CELSR3: variants seen among roughly 807,000 people sequenced by gnomAD.
CELSR3 encodes the protein cadherin EGF LAG seven-pass G-type receptor 3.
Under a neutral mutation model 270.0 loss-of-function variants are expected in CELSR3, and 73 were observed. The ratio of observed to expected loss-of-function variants is 0.27; its 90% CI spans 0.22 to 0.33. The LOEUF (loss-of-function observed/expected upper bound fraction) is 0.33. Ranked by LOEUF, CELSR3 falls within the 10% of genes least tolerant of loss-of-function variation. The pLI, the probability that CELSR3 is intolerant of heterozygous loss-of-function variation, is 1.00. For missense variants in CELSR3, 3,614 were observed against 4,533.8 expected, an observed-to-expected ratio of 0.80 and a Z score of 5.83; for synonymous variants, 1,780 against 1,905.4, an observed-to-expected ratio of 0.93 and a Z score of 1.71.
Position 48,662,411 on chromosome 3 carries a change from C to A in CELSR3, c.224G>T (p.Gly75Val), listed in dbSNP as rs754335909. ...AGGCTCCCTGACCCCCAGGCCAGGC[C>A]CCCCATCCTCCCGGACCCCGGAAGA... is the stretch of plus-strand genomic sequence containing the variant. ...PESSGVREDG[G>V]PGLGVREPIF... The change falls in exon 1 of 35, where the codon GGG becomes GTG. Residue 75 changes from glycine (G) to valine (V), a missense_variant. Transcript: ENST00000164024. The surrounding 1 kb of genome is among the most constrained non-coding windows in gnomAD (Gnocchi z 7.1). 2 of 1,612,812 alleles carry A rather than the reference C, an allele frequency of 1.2e-6. No homozygotes were observed. The highest frequency in any genetic ancestry group is 1.7e-6 in the Non-Finnish European group (2 of 1,179,912).
chr3:48,654,931 G>T lies in CELSR3; in HGVS notation c.4988+113C>A. 8.9e-7 allele frequency: 1 copy of T among 1,128,284 alleles called. No individual in the cohort carries two copies. The allele number at this position is 1,128,284 out of a possible 1,614,324, so 69.9% of individuals were successfully genotyped here. ...TTGAGAGGAGAGGGGAATCTTGGTG[G>T]TTTGGGGGAAAGATGGGAGAGTTTG... On this transcript the variant is annotated intron_variant, in intron 6 of 34. Transcript: ENST00000164024. The surrounding 1 kb of genome is among the most constrained non-coding windows in gnomAD (Gnocchi z 5.4).
intron 16 of CELSR3, 31 bp from the exon 17 acceptor site, chr3:48,649,246 G>A (rs2106708984): frequency 6.4e-7 from 1 of 1,560,642 alleles, no homozygotes; most frequent in Non-Finnish European, 8.8e-7. Context: ...GTCAGGCCTG[G>A]GGCCTGGATA....
Position 48,645,458 on chromosome 3 carries a change from G to T in CELSR3, c.7782C>A (p.His2594Gln). ...GATCCTGCACCTGATTGTGGGTCCT[G>T]TGAATCCCCAGCAGGAAGAGGAGCT... The part of the protein sequence containing the change: ...VAELLFLLGI[H>Q]RTHNQLVCTA... Residue 2594 changes from histidine (H) to glutamine (Q), a missense_variant, in exon 24 of 35, where the codon CAC becomes CAA. Around this residue, in one of 7 missense-constraint regions of CELSR3, gnomAD observed 1,240 missense variants for 1,351.7 expected, o/e 0.92. Coordinates refer to ENST00000164024, the MANE Select transcript of CELSR3 (RefSeq NM_001407.3). The surrounding 1 kb of genome is among the most constrained non-coding windows in gnomAD (Gnocchi z 5.4). 6.2e-7 allele frequency: 1 copy of T among 1,612,890 alleles called. No individual in the cohort carries two copies. Among genetic ancestry groups the T allele is most frequent in the Non-Finnish European group, 8.5e-7 (1 of 1,180,018 alleles).
chr3:48,652,704 C>T lies in CELSR3; in HGVS notation c.5635-151G>A, dbSNP rs111535325. On this transcript the variant is annotated intron_variant, in intron 10 of 34. Transcript: ENST00000164024. The surrounding 1 kb of genome is among the most constrained non-coding windows in gnomAD (Gnocchi z 4.3). ...GACCTTAATATTGCTTGATTTTGAC[C>T]GGGGGTGGGTAGAGACTGGGGCAGA... is the stretch of plus-strand genomic sequence containing the variant. The T allele has an allele frequency of 5.6e-3, 3,655 of 651,198 alleles. 101 individuals carry two copies. The African/African-American group carries it at 0.058, about 10-fold the overall frequency. 40.3% of individuals were successfully genotyped at this position (651,198 alleles called of 1,614,324 possible).
intron 28 of CELSR3, 138 bp from the exon 29 acceptor site, chr3:48,643,221 G>A (rs2047046281): frequency 1.1e-5 from 7 of 666,324 alleles, no homozygotes; most frequent in Non-Finnish European, 1.6e-5. Context: ...CTCAGTAAGG[G>A]AGTTGGGGAA....
At chr3:48,643,884 G>A (rs1348103513) in intron 27 of CELSR3, 5 of 628,066 alleles carry the variant, frequency 8.0e-6, no homozygotes, top group South Asian at 4.2e-5. Flanking sequence ...ATGAGGACAC[G>A]TGGGGAAAAC....
At position 48,655,150 on chromosome 3, in the gene CELSR3, C is replaced by T; in HGVS notation, c.4882G>A (p.Ala1628Thr). Residue 1628 changes from alanine (A) to threonine (T), a missense_variant, in exon 6 of 35, where the codon GCT becomes ACT. Ala to Thr is a moderately conservative substitution (Grantham distance 58). Transcript: ENST00000164024. This position sits in a 1 kb window ranked among gnomAD's most constrained non-coding sequence, Gnocchi z 5.8. ...GAQGPSKDKVAVLSVDDCDVA... is the reference protein window; with the variant it reads ...GAQGPSKDKVTVLSVDDCDVA... The stretch of plus-strand genomic sequence containing the variant: ...TCACAATCATCCACGCTTAGCACAG[C>T]CACCTTGTCCTTGGAGGGGCCCTGT... 1 of 1,613,988 alleles carries T rather than the reference C, an allele frequency of 6.2e-7. No homozygotes were observed. Among genetic ancestry groups the T allele is most frequent in the Admixed American group, 1.7e-5 (1 of 60,002 alleles).
chr3:48,661,973 G>A lies in CELSR3; in HGVS notation c.662C>T (p.Thr221Met). The A allele has an allele frequency of 2.5e-6, 4 of 1,613,896 alleles. No individual in the cohort carries two copies. The highest frequency in any genetic ancestry group is 3.4e-6 in the Non-Finnish European group (4 of 1,180,040). The change falls in exon 1 of 35, where the codon ACG becomes ATG. Residue 221 changes from threonine to methionine, a missense_variant. Physicochemically the swap from Thr to Met is moderately conservative, Grantham distance 81. This residue lies in a region of CELSR3 where 470 missense variants were observed against 469.7 expected (regional missense o/e 1.00). Coordinates refer to ENST00000164024, the MANE Select transcript of CELSR3 (RefSeq NM_001407.3). Reference sequence around the variant, plus strand: ...GGCTGTCCTTTCTGCTCCGGATGTCGTGGCTCTCTCGCCCTGACCCTTGCT... The same window carrying A: ...GGCTGTCCTTTCTGCTCCGGATGTCATGGCTCTCTCGCCCTGACCCTTGCT... ...TGSKGQGERA[T>M]TSGAERTAPR...
chr3:48,649,070 C>T (rs535718090), intron 17 of CELSR3, 51 bp downstream of exon 17: 2 of 1,571,770 alleles, frequency 1.3e-6, no homozygotes, highest in East Asian at 2.3e-5. Flanking sequence ...TGGGGCCCAC[C>T]ACAGGCCAAG....
chr3:48,651,151 C>A lies in CELSR3; in HGVS notation c.6187-76G>T. ...ATGAGTGGAATCAAGGATAAAGGGT[C>A]AAGAGAACAGTGCTCATGGGCCAGA... On this transcript the variant is annotated intron_variant, in intron 14 of 34. Coordinates refer to ENST00000164024, the MANE Select transcript of CELSR3 (RefSeq NM_001407.3). This position sits in a 1 kb window ranked among gnomAD's most constrained non-coding sequence, Gnocchi z 7.4. 6.7e-7 allele frequency: 1 copy of A among 1,489,320 alleles called. No homozygotes were observed. The highest frequency in any genetic ancestry group is 9.1e-7 in the Non-Finnish European group (1 of 1,101,838). The allele number at this position is 1,489,320 out of a possible 1,614,324, so 92.3% of individuals were successfully genotyped here.
In CELSR3 at chr3:48,648,764, C is replaced by T; in HGVS notation, c.6732G>A (p.Gln2244=). 6.2e-7 allele frequency: 1 copy of T among 1,612,904 alleles called. No individual in the cohort carries two copies. Among genetic ancestry groups the T allele is most frequent in the East Asian group, 2.2e-5 (1 of 44,888 alleles). Residue 2244 remains glutamine, a synonymous_variant, in exon 18 of 35, where the codon CAG becomes CAA. Transcript: ENST00000164024. The stretch of plus-strand genomic sequence containing the variant: ...GTGTGGCTGTCAGCCCGAAGCCCTG[C>T]TGATGGCTCTCGAAGGCCAGCAGGT... The part of the protein sequence containing the change: ...LAHLLAFESH[Q]QGFGLTATQD...
In CELSR3 at chr3:48,650,966, C is replaced by T. The variant is rs746164993; in HGVS notation, c.6296G>A (p.Arg2099His). The T allele has an allele frequency of 2.5e-5, 40 of 1,611,584 alleles. No homozygotes were observed. Among genetic ancestry groups the T allele is most frequent in the African/African-American group, 1.6e-4 (12 of 74,866 alleles). ...CAPHSGQCPC[R>H]PGALGRQCNS... ...GCACTGGCGGCCAAGGGCTCCTGGGCGACAGGGGCACTGCCCGCTGTGGGG... is the reference window on the plus strand; with the variant it reads ...GCACTGGCGGCCAAGGGCTCCTGGGTGACAGGGGCACTGCCCGCTGTGGGG... The change falls in exon 15 of 35, where the codon CGC becomes CAC. Residue 2099 changes from arginine to histidine, a missense_variant. Coordinates refer to ENST00000164024, the MANE Select transcript of CELSR3 (RefSeq NM_001407.3). This position sits in a 1 kb window ranked among gnomAD's most constrained non-coding sequence, Gnocchi z 5.1.
At position 48,640,776 on chromosome 3, in the gene CELSR3, C is replaced by T. The variant is rs1017801031; in HGVS notation, c.9026-217G>A. ...GGCAGTCATCTTCCAGTTGTGGTCC[C>T]GGGGCAGGGGGAGGGCGGGCAGGTC... On this transcript the variant is annotated intron_variant, in intron 33 of 34. Transcript: ENST00000164024. The surrounding 1 kb of genome is among the most constrained non-coding windows in gnomAD (Gnocchi z 7.5). 8 of 173,722 alleles carry T rather than the reference C, an allele frequency of 4.6e-5. No individual in the cohort carries two copies. The highest frequency in any genetic ancestry group is 1.6e-4 in the East Asian group (1 of 6,116). The allele number at this position is 173,722 out of a possible 1,614,324, so 10.8% of individuals were successfully genotyped here. A position where few individuals can be genotyped will look rare whatever the true frequency, so the allele number is the denominator to read the frequency against.
chr3:48,658,699 A>T lies in CELSR3; in HGVS notation c.3748+188T>A, dbSNP rs1328753807. On this transcript the variant is annotated intron_variant, in intron 1 of 34. Coordinates refer to ENST00000164024, the MANE Select transcript of CELSR3 (RefSeq NM_001407.3). The surrounding 1 kb of genome is among the most constrained non-coding windows in gnomAD (Gnocchi z 4.7). ...CCTTGGAATCACTGGGATTCTGTGG[A>T]GATTATCCAGGAACCTAAGCAGAGT... Among the ~76,000 whole-genome samples the T allele has an allele frequency of 6.6e-6, 1 of 152,112 alleles. No individual in the cohort carries two copies. The highest frequency in any genetic ancestry group is 2.4e-5 in the African/African-American group (1 of 41,402).
Position 48,646,910 on chromosome 3 carries a change from C to A in CELSR3, c.7148G>T (p.Ser2383Ile). Residue 2383 changes from serine to isoleucine, a missense_variant, in exon 21 of 35, where the codon AGC becomes ATC. Physicochemically the swap from Ser to Ile is moderately radical, Grantham distance 142. This residue lies in a region of CELSR3 where 1,240 missense variants were observed against 1,351.7 expected (regional missense o/e 0.92). Coordinates refer to ENST00000164024, the MANE Select transcript of CELSR3 (RefSeq NM_001407.3). The surrounding 1 kb of genome is among the most constrained non-coding windows in gnomAD (Gnocchi z 4.8). The part of the protein sequence containing the change: ...SPSEVLPTSS[S>I]IENSTTSSVV... The stretch of plus-strand genomic sequence containing the variant: ...ACTTGAGGTGGTGGAGTTTTCTATG[C>A]TGCTGCTTGTGGGCAGAACTGCCAG... 6.4e-7 allele frequency: 1 copy of A among 1,552,508 alleles called. No homozygotes were observed. Among genetic ancestry groups the A allele is most frequent in the Non-Finnish European group, 8.7e-7 (1 of 1,154,878 alleles).
rs1215445491 is a variant in CELSR3, at chr3:48,646,782, C to T, written c.7276G>A (p.Ala2426Thr). 7.5e-6 allele frequency: 12 copies of T among 1,610,056 alleles called. No homozygotes were observed. The highest frequency in any genetic ancestry group is 9.3e-6 in the Non-Finnish European group (11 of 1,178,828). Residue 2426 changes from alanine to threonine, a missense_variant, in exon 21 of 35, where the codon GCA (alanine) becomes ACA (threonine). By Grantham distance (58) the Ala-to-Thr change is moderately conservative. Transcript: ENST00000164024. This position sits in a 1 kb window ranked among gnomAD's most constrained non-coding sequence, Gnocchi z 4.8. The part of the protein sequence containing the change: ...LGGLLPAQFQ[A>T]ERRGARLPQN... ...GAGTACCTGGCACCTCGGCGTTCTG[C>T]CTGGAACTGGGCAGGGAGCAGTCCC... is the stretch of plus-strand genomic sequence containing the variant.
chr3:48,645,304 C>T lies in CELSR3; in HGVS notation c.7798-95G>A. On this transcript the variant is annotated intron_variant, in intron 24 of 34. Transcript: ENST00000164024. This position sits in a 1 kb window ranked among gnomAD's most constrained non-coding sequence, Gnocchi z 5.4. ...CTTCCCACCTCTCACCCCTAAACCA[C>T]AATATCTTACCCCAGCATCCTGCTG... 3.3e-6 allele frequency: 5 copies of T among 1,532,592 alleles called. No homozygotes were observed. Among genetic ancestry groups the T allele is most frequent in the Non-Finnish European group, 4.4e-6 (5 of 1,126,314 alleles). The allele number at this position is 1,532,592 out of a possible 1,614,324, so 94.9% of individuals were successfully genotyped here.
At chr3:48,656,559 A>C in intron 2 of CELSR3, 139 bp downstream of exon 2, 1 of 1,263,654 alleles carries the variant, frequency 7.9e-7, no homozygotes. Context: ...CCTTCCGGCC[A>C]CGCTCTACGG....
Position 48,656,369 on chromosome 3 carries a change from G to C in CELSR3, c.4400-4C>G, listed in dbSNP as rs925155021. ...GTGTCCAGCTCGCAGTCCTCTCCTG[G>C]GGGCCAAGCCGCGGTCAGAGGCGGT... On this transcript the variant is annotated splice_polypyrimidine_tract_variant and splice_region_variant and intron_variant, in intron 2 of 34. Transcript: ENST00000164024. 7.8e-6 allele frequency: 11 copies of C among 1,409,332 alleles called. No homozygotes were observed. Among genetic ancestry groups the C allele is most frequent in the Non-Finnish European group, 1.0e-5 (11 of 1,095,450 alleles). The allele number at this position is 1,409,332 out of a possible 1,614,324, so 87.3% of individuals were successfully genotyped here.
Sources: allele counts gnomAD v4.1 joint callset (sites outside exome capture counted in the v4.1 genomes callset), GRCh38; gene constraint gnomAD v4.1.1; regional missense constraint gnomAD v4.1.1; non-coding constraint Gnocchi (gnomAD v3.1); transcripts MANE v1.5; gene names NCBI Gene and HGNC (gene_info 2026-07-23, HGNC 2026-07-21).